TRPM5: variants seen among roughly 807,000 people sequenced by gnomAD.
TRPM5 encodes transient receptor potential cation channel subfamily M member 5, also known as MLSN1 and TRP-related.
TRPM5 carries 121 observed loss-of-function variants against 124.9 expected under a neutral mutation model. The ratio of observed to expected loss-of-function variants is 0.97; its 90% CI spans 0.84 to 1.13. The LOEUF is 1.13. Among genes scored for constraint, TRPM5 ranks in the 50% most tolerant of loss-of-function variants. The pLI is 0.00. For missense variants in TRPM5, 1,643 were observed against 1,589.1 expected, an observed-to-expected ratio of 1.03 and a Z score of -0.58; for synonymous variants, 781 against 700.5, an observed-to-expected ratio of 1.11 and a Z score of -1.81.
chr11:2,404,781 GGGTGAGGGTCTGT>G, exon 24 of TRPM5: 1 of 608,780 alleles, frequency 1.6e-6, no homozygotes, highest in Non-Finnish European at 2.9e-6. Flanking sequence ...CGGTTCCTTT[GGGTGAGGGTCTGT>G]GGTGAGGCAC....
intron 21 of TRPM5, 48 bp from the exon 27 acceptor site, chr11:2,406,139 T>C: frequency 6.3e-7 from 1 of 1,595,418 alleles, no homozygotes; most frequent in Non-Finnish European, 8.5e-7. Flanking sequence ...CGCGGTGCTC[T>C]GCGTGTGGGG....
chr11:2,407,287 C>G, exon 20 of TRPM5: 1 of 1,610,382 alleles, frequency 6.2e-7, no homozygotes, highest in Non-Finnish European at 8.5e-7. Flanking sequence ...CCCTGCACCA[C>G]CTGGAACGTG....
chr11:2,439,354 G>A, the TRPM5 span, among the ~76,000 whole-genome samples: 2 of 152,184 alleles, frequency 1.3e-5, no homozygotes, highest in East Asian at 1.9e-4. Flanking sequence ...AAGAGCTTCT[G>A]CACAGCAAAA....
At chr11:2,440,456 T>C in the TRPM5 span, among the ~76,000 whole-genome samples, 1 of 152,162 alleles carries the variant, frequency 6.6e-6, no homozygotes, top group African/African-American at 2.4e-5. This position sits in a 1 kb window ranked among gnomAD's most constrained non-coding sequence, Gnocchi z 5.2. Flanking sequence ...GGTGGCTCTG[T>C]CCAGCCACCC....
At chr11:2,422,174 G>T (rs774051811) in exon 2 of TRPM5, 3 of 1,611,542 alleles carry the variant, frequency 1.9e-6, no homozygotes, top group Non-Finnish European at 2.5e-6. Context: ...AGCCCCTTGC[G>T]CAGCACATCC....
At chr11:2,407,852 C>T (rs1412546522) in exon 19 of TRPM5, 3 of 1,614,010 alleles carry the variant, frequency 1.9e-6, no homozygotes, top group Non-Finnish European at 2.5e-6. Context: ...GGCATAGAGG[C>T]TGGGGCAGGA....
chr11:2,406,295 G>A (rs562910129), intron 21 of TRPM5, among the ~76,000 whole-genome samples: 95 of 152,302 alleles, frequency 6.2e-4, no homozygotes, highest in African/African-American at 2.2e-3. Context: ...TGCCTTCCCA[G>A]TAGGGCTAGG....
chr11:2,410,289 G>A (rs1013679887), intron 18 of TRPM5, among the ~76,000 whole-genome samples: 9 of 152,128 alleles, frequency 5.9e-5, no homozygotes, highest in Non-Finnish European at 1.0e-4. Flanking sequence ...TGTTTGCTCC[G>A]GTCTGGCCGT....
chr11:2,423,345 C>A (rs777090093), upstream of TRPM5, among the ~76,000 whole-genome samples: 1 of 152,334 alleles, frequency 6.6e-6, no homozygotes, highest in East Asian at 1.9e-4. Context: ...CTACTCACCC[C>A]ACTCAGGGCA....
upstream of TRPM5, among the ~76,000 whole-genome samples, chr11:2,427,122 G>C (rs549092034): frequency 6.6e-6 from 1 of 152,190 alleles, no homozygotes; most frequent in Non-Finnish European, 1.5e-5. Flanking sequence ...CAGTGGGGCC[G>C]GCCCTTCACA....
At chr11:2,418,462 C>A in intron 5 of TRPM5, 65 bp downstream of exon 10, 8 of 1,562,108 alleles carry the variant, frequency 5.1e-6, no homozygotes, top group Non-Finnish European at 6.9e-6. Flanking sequence ...CCCAGGGGTG[C>A]CCAGAACCCA....
At chr11:2,407,178 A>C in exon 20 of TRPM5, 1 of 1,611,412 alleles carries the variant, frequency 6.2e-7, no homozygotes, top group Admixed American at 1.7e-5. Context: ...CGTCAGGCTC[A>C]GGTGGCTGAG....
intron 4 of TRPM5, among the ~76,000 whole-genome samples, chr11:2,419,610 G>A (rs1845736568): frequency 1.6e-5 from 2 of 125,144 alleles, no homozygotes; most frequent in Non-Finnish European, 1.6e-5. Context: ...GGGACAGAGT[G>A]AGATTCTGCC....
intron 11 of TRPM5, 49 bp from the exon 17 acceptor site, chr11:2,414,255 C>G (rs749758208): frequency 1.9e-6 from 3 of 1,561,518 alleles, no homozygotes; most frequent in Non-Finnish European, 2.6e-6. Context: ...ATGCCCGGCC[C>G]GGCCCCCGAC....
chr11:2,435,327 C>T, the TRPM5 span, among the ~76,000 whole-genome samples: 4 of 152,056 alleles, frequency 2.6e-5, no homozygotes, highest in South Asian at 4.1e-4. The surrounding 1 kb of genome is among the most constrained non-coding windows in gnomAD (Gnocchi z 4.1). Flanking sequence ...AATAACTGGA[C>T]GAAGGGCGGC....
rs537014674 is a variant in TRPM5 at position 2,417,248 on chromosome 11, G to A, written c.1009+479C>T. On this transcript the variant is annotated intron_variant, in intron 7 of 23. Transcript: ENST00000155858. ...AGGCGGATCACGAGGTCAGGAGATC[G>A]AGACCATCCTGGCTAACACGGTGAA... Among the ~76,000 whole-genome samples the A allele has an allele frequency of 1.4e-4, 21 of 152,264 alleles. No individual in the cohort carries two copies. In the East Asian group the frequency reaches 3.7e-3, roughly 27 times the overall value.
chr11:2,426,744 T>C (rs1009666714), upstream of TRPM5, among the ~76,000 whole-genome samples: 2 of 152,064 alleles, frequency 1.3e-5, no homozygotes, highest in African/African-American at 4.8e-5. Context: ...CCTGCCTCAT[T>C]TGTGAGATTT....
exon 20 of TRPM5, chr11:2,407,277 C>T: frequency 3.1e-6 from 5 of 1,611,318 alleles, no homozygotes; most frequent in African/African-American, 1.3e-5. Context: ...GTCTGCGTTG[C>T]CCTGCACCAC....
exon 16 of TRPM5, chr11:2,412,168 GCCA>G: frequency 6.2e-7 from 1 of 1,613,530 alleles, no homozygotes; most frequent in Non-Finnish European, 8.5e-7. Context: ...CAGGAAGATG[GCCA>G]CCATGTCACA....
Sources: gnomAD v4.1 joint callset for allele counts (sites outside exome capture counted in the v4.1 genomes callset) on GRCh38, gnomAD v4.1.1 for gene constraint, Gnocchi (gnomAD v3.1) non-coding constraint, MANE v1.5 for transcripts, NCBI Gene and HGNC (gene_info 2026-07-23, HGNC 2026-07-21) for gene names.